The following MSH4 variants were observed in gnomAD, a reference collection of about 807,000 sequenced individuals.
MSH4 encodes the protein mutS homolog 4.
In MSH4, 106 loss-of-function variants were observed where a neutral mutation model predicts 113.7. The ratio of observed to expected loss-of-function variants is 0.93; its 90% CI spans 0.80 to 1.10. MSH4 has a LOEUF of 1.10. Among genes scored for constraint, MSH4 ranks in the 50% least tolerant of loss-of-function variants. MSH4 has a pLI of 0.00. For synonymous variants in MSH4, 368 were observed against 380.2 expected, an observed-to-expected ratio of 0.97 and a Z score of 0.37; for missense variants, 1,061 against 1,093.7, an observed-to-expected ratio of 0.97 and a Z score of 0.42.
chr1:75,829,240 G>A (rs1650628062), intron 7 of MSH4, among the ~76,000 whole-genome samples: 1 of 152,146 alleles, frequency 6.6e-6, no homozygotes, highest in African/African-American at 2.4e-5. Flanking sequence ...CTGGGGGATG[G>A]GCATCTGGCT....
At chr1:75,808,664 G>T (rs534906431) in intron 3 of MSH4, among the ~76,000 whole-genome samples, 106 of 152,126 alleles carry the variant, frequency 7.0e-4, no homozygotes, top group Non-Finnish European at 1.2e-3. Flanking sequence ...CAGGATTATG[G>T]CCCAAACCCA....
intron 9 of MSH4, among the ~76,000 whole-genome samples, 158 bp from the exon 10 acceptor site, chr1:75,876,778 C>T (rs1651826475): frequency 6.6e-6 from 1 of 151,944 alleles, no homozygotes; most frequent in African/African-American, 2.4e-5. Flanking sequence ...TACAGTCTAT[C>T]CTCAGCTAGA....
intron 7 of MSH4, among the ~76,000 whole-genome samples, chr1:75,846,937 T>G (rs974245246): frequency 4.6e-5 from 7 of 152,232 alleles, no homozygotes; most frequent in African/African-American, 1.7e-4. Context: ...ACAGAATATC[T>G]GAGACTGAGT....
intron 15 of MSH4, among the ~76,000 whole-genome samples, chr1:75,884,321 G>A (rs1381851238): frequency 1.3e-5 from 2 of 152,040 alleles, no homozygotes; most frequent in Admixed American, 6.6e-5. Context: ...GTGCATACAT[G>A]CATCTAAATG....
At chr1:75,886,572 T>G (rs1251454554) in intron 15 of MSH4, among the ~76,000 whole-genome samples, 1 of 65,332 alleles carries the variant, frequency 1.5e-5, no homozygotes, top group African/African-American at 6.4e-5. Flanking sequence ...ATATGCAAGT[T>G]ATTATGTATA....
At chr1:75,910,659 A>G (rs560664076) in intron 19 of MSH4, among the ~76,000 whole-genome samples, 20 of 152,104 alleles carry the variant, frequency 1.3e-4, no homozygotes, top group African/African-American at 4.6e-4. Context: ...TAAAATCTGC[A>G]CTTGGTGATC....
chr1:75,883,774 C>A lies in MSH4; in HGVS notation c.2060C>A (p.Ser687Tyr). ...IITGPNMSGK[S>Y]TYLKQIALCQ... is the part of the protein sequence containing the mutation. ...ACTGGACCAAACATGAGTGGAAAAT[C>A]CACATATTTAAAACAGATTGCTCTT... is the stretch of plus-strand genomic sequence containing the variant. The change falls in exon 15 of 20, where the codon TCC (serine) becomes TAC (tyrosine). Residue 687 changes from serine to tyrosine, a missense_variant. Ser to Tyr is a moderately radical substitution (Grantham distance 144, BLOSUM62 -2). Coordinates refer to ENST00000263187, the MANE Select transcript of MSH4 (RefSeq NM_002440.4). 2 of 1,613,122 alleles carry A rather than the reference C, an allele frequency of 1.2e-6. No homozygotes were observed. Among genetic ancestry groups the A allele is most frequent in the Non-Finnish European group, 1.7e-6 (2 of 1,179,540 alleles).
Position 75,912,860 on chromosome 1 carries a change from A to G in MSH4, c.2784A>G (p.Glu928=), listed in dbSNP as rs753729417. Residue 928 remains glutamate, a synonymous_variant, in exon 20 of 20, where the codon GAA becomes GAG. Coordinates refer to ENST00000263187, the MANE Select transcript of MSH4 (RefSeq NM_002440.4). ...KKYKEDFPRT[E]QVPEKTEE is the part of the protein sequence containing the mutation. Reference sequence around the variant, plus strand: ...ACAAAGAAGATTTTCCCAGGACTGAACAAGTTCCAGAAAAGACTGAAGAAT... The same window carrying G: ...ACAAAGAAGATTTTCCCAGGACTGAGCAAGTTCCAGAAAAGACTGAAGAAT... The G allele has an allele frequency of 1.3e-6, 2 of 1,542,640 alleles. No individual in the cohort carries two copies. The highest frequency in any genetic ancestry group is 2.5e-5 in the East Asian group (1 of 40,608).
intron 17 of MSH4, among the ~76,000 whole-genome samples, chr1:75,892,847 G>A (rs1209250539): frequency 2.0e-5 from 3 of 152,134 alleles, no homozygotes; most frequent in African/African-American, 7.2e-5. Context: ...TGGGATCCAT[G>A]GATCCCTGGG....
intron 17 of MSH4, among the ~76,000 whole-genome samples, chr1:75,893,887 T>C (rs1486282509): frequency 6.6e-6 from 1 of 151,994 alleles, no homozygotes; most frequent in Non-Finnish European, 1.5e-5. Context: ...ATCTAACAGT[T>C]TGATTGACTG....
rs374598563 is a variant in MSH4, at chr1:75,899,672, A to T, written c.2585A>T (p.Lys862Met). The change falls in exon 19 of 20, where the codon AAG becomes ATG. Residue 862 changes from lysine to methionine, a missense_variant. Physicochemically the swap from Lys to Met is moderately conservative, Grantham distance 95. Coordinates refer to ENST00000263187, the MANE Select transcript of MSH4 (RefSeq NM_002440.4). Reference sequence around the variant, plus strand: ...CCACCATCAATTGTCTTGGATGCCAAGGAAATCACAACTCAAATTACGAGA... The same window carrying T: ...CCACCATCAATTGTCTTGGATGCCATGGAAATCACAACTCAAATTACGAGA... The part of the protein sequence containing the change: ...SLPPSIVLDA[K>M]EITTQITRQI... 4.0e-6 allele frequency: 6 copies of T among 1,513,116 alleles called. No homozygotes were observed. Among genetic ancestry groups the T allele is most frequent in the Non-Finnish European group, 4.4e-6 (5 of 1,138,786 alleles). 93.7% of individuals were successfully genotyped at this position (1,513,116 alleles called of 1,614,324 possible).
chr1:75,829,083 C>A (rs1481670905), intron 7 of MSH4, among the ~76,000 whole-genome samples: 1 of 152,202 alleles, frequency 6.6e-6, no homozygotes, highest in African/African-American at 2.4e-5. Context: ...GACACTCCCA[C>A]CCTAATACTG....
At chr1:75,881,494 C>A in intron 14 of MSH4, 124 bp downstream of exon 14, 1 of 940,720 alleles carries the variant, frequency 1.1e-6, no homozygotes, top group Non-Finnish European at 1.5e-6. Context: ...TGCCTCTGGT[C>A]CTAGACTAAG....
Position 75,899,740 on chromosome 1 carries a change from TA to T in MSH4, c.2619+42del, listed in dbSNP as rs750190469. 3.1e-4 allele frequency: 378 copies of T among 1,235,094 alleles called. 1 individual carries two copies. The highest frequency in any genetic ancestry group is 7.6e-4 in the East Asian group (27 of 35,562). 76.5% of individuals were successfully genotyped at this position (1,235,094 alleles called of 1,614,324 possible). ...CTTTGTTCTTATTTGTTCTTCAAATTAAAAAAAATACTTTTAGTGTAGATTT... is the reference window on the plus strand; with the variant it reads ...CTTTGTTCTTATTTGTTCTTCAAATTAAAAAAATACTTTTAGTGTAGATTT... On this transcript the variant is annotated intron_variant, in intron 19 of 19. Coordinates refer to ENST00000263187, the MANE Select transcript of MSH4 (RefSeq NM_002440.4).
At chr1:75,843,752 CAA>C (rs1406333394) in intron 7 of MSH4, among the ~76,000 whole-genome samples, 1 of 151,510 alleles carries the variant, frequency 6.6e-6, no homozygotes, top group Non-Finnish European at 1.5e-5. Flanking sequence ...TGAAAACTAT[CAA>C]AAGACACCTG....
At chr1:75,863,679 T>C (rs1427359162) in intron 8 of MSH4, among the ~76,000 whole-genome samples, 1 of 152,174 alleles carries the variant, frequency 6.6e-6, no homozygotes. Context: ...ACCAATTATT[T>C]CCATATTGCT....
chr1:75,913,010 A>G lies in MSH4; in HGVS notation c.*123A>G, dbSNP rs1384802521. On this transcript the variant is annotated 3_prime_UTR_variant, in exon 20 of 20. Transcript: ENST00000263187. ...TTTAATTGAAAATTACATTATATTA[A>G]CATCACAATTGTCATCTATATATTC... 1.0e-5 allele frequency: 5 copies of G among 499,680 alleles called. No individual in the cohort carries two copies. Among genetic ancestry groups the G allele is most frequent in the Non-Finnish European group, 1.7e-5 (5 of 302,742 alleles). 31.0% of individuals were successfully genotyped at this position (499,680 alleles called of 1,614,324 possible).
intron 13 of MSH4, 63 bp from the exon 14 acceptor site, chr1:75,881,183 C>A (rs552219245): frequency 3.9e-6 from 5 of 1,280,526 alleles, no homozygotes; most frequent in Non-Finnish European, 5.5e-6. Context: ...TATTATTTTA[C>A]GATTACAATG....
intron 8 of MSH4, among the ~76,000 whole-genome samples, chr1:75,860,850 A>C (rs972574039): frequency 6.6e-6 from 1 of 152,160 alleles, no homozygotes; most frequent in African/African-American, 2.4e-5. Flanking sequence ...AATATCCTGA[A>C]GAGTGTTTTC....
Sources: allele counts gnomAD v4.1 joint callset (sites outside exome capture counted in the v4.1 genomes callset), GRCh38; gene constraint gnomAD v4.1.1; transcripts MANE v1.5; gene names NCBI Gene and HGNC (gene_info 2026-07-23, HGNC 2026-07-21).